SEL1L3: variants seen among roughly 807,000 people sequenced by gnomAD.
The protein encoded by SEL1L3 is SEL1L family member 3.
SEL1L3 carries 76 observed loss-of-function variants against 142.8 expected under a neutral mutation model. The ratio of observed to expected loss-of-function variants is 0.53; its 90% CI spans 0.44 to 0.64. The LOEUF (loss-of-function observed/expected upper bound fraction) is 0.64, where lower values mean the gene tolerates loss of function less well. Among genes scored for constraint, SEL1L3 ranks in the 30% least tolerant of loss-of-function variants. The pLI is 0.00. For missense variants in SEL1L3, 1,262 were observed against 1,381.7 expected (o/e 0.91, Z 1.37); for synonymous variants, 504 against 519.6 (o/e 0.97, Z 0.41).
chr4:25,842,348 G>A (rs1184377339), intron 2 of SEL1L3, among the ~76,000 whole-genome samples: 1 of 151,896 alleles, frequency 6.6e-6, no homozygotes, highest in Non-Finnish European at 1.5e-5. Context: ...AAGCAGACAT[G>A]GAAAGTGGCA....
chr4:25,851,634 T>C (rs1716905784), intron 1 of SEL1L3, among the ~76,000 whole-genome samples: 1 of 152,026 alleles, frequency 6.6e-6, no homozygotes, highest in African/African-American at 2.4e-5. Context: ...ATCACGCCTG[T>C]AATCCCAGCA....
chr4:25,839,621 C>T (rs772099858), intron 2 of SEL1L3, among the ~76,000 whole-genome samples: 8 of 152,226 alleles, frequency 5.3e-5, no homozygotes, highest in African/African-American at 1.4e-4. Flanking sequence ...CACAACTTAA[C>T]GCTTGTATGT....
At chr4:25,755,090 T>C (rs1329448687) in intron 23 of SEL1L3, among the ~76,000 whole-genome samples, 1 of 152,070 alleles carries the variant, frequency 6.6e-6, no homozygotes. Context: ...TTTTTTAACT[T>C]CTACTTTTTT....
chr4:25,797,346 A>T (rs78368495), intron 11 of SEL1L3, among the ~76,000 whole-genome samples: 43,355 of 151,948 alleles, frequency 0.29, 7,084 homozygotes, highest in South Asian at 0.5. Context: ...CTGCACTTCA[A>T]CCGCTCACCT....
At chr4:25,846,661 C>A (rs1212615183) in intron 2 of SEL1L3, among the ~76,000 whole-genome samples, 1 of 152,114 alleles carries the variant, frequency 6.6e-6, no homozygotes, top group East Asian at 1.9e-4. Flanking sequence ...GTAATCCCAG[C>A]ATTTTGGGAG....
chr4:25,767,587 C>T lies in SEL1L3; in HGVS notation c.2783G>A (p.Gly928Asp), dbSNP rs746989393. The T allele has an allele frequency of 5.6e-6, 9 of 1,600,928 alleles. No homozygotes were observed. The highest frequency in any genetic ancestry group is 7.7e-6 in the Non-Finnish European group (9 of 1,171,472). ...ATAGTATCTCCAAACACAGTTAACACCCAAGTATCTCCTGGCCAGGTCCTA... is the reference window on the plus strand; with the variant it reads ...ATAGTATCTCCAAACACAGTTAACATCCAAGTATCTCCTGGCCAGGTCCTA... ...ERPDLARRYL[G>D]VNCVWRYYNF... The change falls in exon 19 of 24, where the codon GGT (glycine) becomes GAT (aspartate). Residue 928 changes from glycine (G) to aspartate (D), a missense_variant. By Grantham distance (94) the Gly-to-Asp change is moderately conservative (BLOSUM62 -1). Coordinates refer to ENST00000399878, the MANE Select transcript of SEL1L3 (RefSeq NM_015187.5).
At chr4:25,757,643 A>G (rs1239501512) in intron 22 of SEL1L3, 37 bp from the exon 23 acceptor site, 1 of 1,560,326 alleles carries the variant, frequency 6.4e-7, no homozygotes, top group East Asian at 2.4e-5. Flanking sequence ...TGACTGACAA[A>G]GGGCAGGGGC....
At position 25,765,350 on chromosome 4, in the gene SEL1L3, T is replaced by C. The variant is rs201364046; in HGVS notation, c.2931A>G (p.Gln977=). The C allele has an allele frequency of 6.2e-7, 1 of 1,613,674 alleles. No individual in the cohort carries two copies. Among genetic ancestry groups the C allele is most frequent in the African/African-American group, 1.3e-5 (1 of 75,028 alleles). Residue 977 remains glutamine (Q), a synonymous_variant, in exon 20 of 24, where the codon CAA becomes CAG. Transcript: ENST00000399878. ...CCTGGGAGTCTCCATCCAGGGCGGCTTGGGCGTACATCTGCACAGACAACT... is the reference window on the plus strand; with the variant it reads ...CCTGGGAGTCTCCATCCAGGGCGGCCTGGGCGTACATCTGCACAGACAACT... The part of the protein sequence containing the change: ...DLELSVQMYA[Q]AALDGDSQGF...
At chr4:25,725,531 G>T in the SEL1L3 span, among the ~76,000 whole-genome samples, 4 of 152,208 alleles carry the variant, frequency 2.6e-5, no homozygotes, top group Admixed American at 2.6e-4. Context: ...GGCCAGGCTG[G>T]TCTTGAACTC....
At chr4:25,863,405 C>T (rs1717889719), upstream of SEL1L3, 1 of 697,496 alleles carries the variant, frequency 1.4e-6, no homozygotes, top group Admixed American at 2.0e-5. Context: ...TCCTCTTCCT[C>T]GCTTCCGCAT....
rs561488372 is a variant in SEL1L3, at chr4:25,849,453, C to T, written c.163-1589G>A. Among the ~76,000 whole-genome samples, 20 of 152,174 alleles carry T rather than the reference C, an allele frequency of 1.3e-4. No individual in the cohort carries two copies. The South Asian group carries it at 1.9e-3, about 14-fold the overall frequency. ...ACAAGAGAACAGACATTATATCATC[C>T]GCCTACATGAAGCACCTAGAGTAGT... On this transcript the variant is annotated intron_variant, in intron 1 of 23. Coordinates refer to ENST00000399878, the MANE Select transcript of SEL1L3 (RefSeq NM_015187.5).
chr4:25,861,836 G>A (rs980694907), intron 1 of SEL1L3: 1 of 152,124 alleles, frequency 6.6e-6, no homozygotes, highest in Non-Finnish European at 1.5e-5. Flanking sequence ...ACAGAAGCAA[G>A]CAAGCCCTCA....
intron 9 of SEL1L3, among the ~76,000 whole-genome samples, chr4:25,806,808 C>CT (rs1227402585): frequency 6.6e-6 from 1 of 151,634 alleles, no homozygotes; most frequent in African/African-American, 2.4e-5. Flanking sequence ...GAGTTTGTTC[C>CT]TTTTTCTGTA....
chr4:25,725,482 T>A, the SEL1L3 span, among the ~76,000 whole-genome samples: 56,664 of 151,896 alleles, frequency 0.37, 11,852 homozygotes, highest in African/African-American at 0.58. Context: ...CGGCTGGCTA[T>A]TTTTTGTATT....
Position 25,847,615 on chromosome 4 carries a change from G to T in SEL1L3, c.412C>A (p.Leu138Ile). 6.2e-7 allele frequency: 1 copy of T among 1,613,984 alleles called. No homozygotes were observed. The highest frequency in any genetic ancestry group is 8.5e-7 in the Non-Finnish European group (1 of 1,179,872). Residue 138 changes from leucine to isoleucine, a missense_variant, in exon 2 of 24, where the codon CTT (leucine) becomes ATT (isoleucine). By Grantham distance (5) the Leu-to-Ile change is conservative. Around this residue, in one of 3 missense-constraint regions of SEL1L3, gnomAD observed 689 missense variants for 692.8 expected, o/e 0.99. Transcript: ENST00000399878. ...YKKRWKNEKHLHTSRTQIVHV... is the reference protein window; with the variant it reads ...YKKRWKNEKHIHTSRTQIVHV... ...ACTATTTGTGTCCTGCTGGTGTGAA[G>T]ATGTTTCTCATTCTTCCACCTTTTT...
intron 23 of SEL1L3, chr4:25,757,020 C>A (rs1718010205): frequency 1.8e-6 from 2 of 1,096,278 alleles, no homozygotes; most frequent in African/African-American, 1.6e-5. Context: ...GTAATCCCAG[C>A]ACTTCAGGAG....
the SEL1L3 span, among the ~76,000 whole-genome samples, chr4:25,722,355 T>A: frequency 6.6e-6 from 1 of 152,236 alleles, no homozygotes; most frequent in Non-Finnish European, 1.5e-5. Flanking sequence ...AGAGTAAGAA[T>A]TCTTTTGCAA....
intron 11 of SEL1L3, among the ~76,000 whole-genome samples, chr4:25,797,441 G>A (rs544031390): frequency 4.6e-5 from 7 of 152,174 alleles, no homozygotes; most frequent in Non-Finnish European, 7.3e-5. Context: ...GTAGGAGTGC[G>A]TGTGTTTTCT....
intron 15 of SEL1L3, among the ~76,000 whole-genome samples, chr4:25,780,264 C>T (rs372073355): frequency 5.9e-5 from 9 of 152,222 alleles, no homozygotes; most frequent in East Asian, 1.9e-4. Context: ...GCCCTGGTCT[C>T]GCCCACTGCC....
Sources: allele counts gnomAD v4.1 joint callset (sites outside exome capture counted in the v4.1 genomes callset), GRCh38; gene constraint gnomAD v4.1.1; regional missense constraint gnomAD v4.1.1; transcripts MANE v1.5; gene names NCBI Gene and HGNC (gene_info 2026-07-23, HGNC 2026-07-21).